The following MLPH variants were observed in gnomAD, a reference collection of about 807,000 sequenced individuals.
MLPH encodes the protein exophilin-3.
Under a neutral mutation model 72.1 loss-of-function variants are expected in MLPH, and 51 were observed. The ratio of observed to expected loss-of-function variants is 0.71; its 90% CI spans 0.56 to 0.89. MLPH has a LOEUF of 0.89. Ranked by LOEUF, MLPH falls within the 40% of genes least tolerant of loss-of-function variation. The pLI is 0.00. For synonymous variants in MLPH, 301 were observed against 310.1 expected (o/e 0.97, Z 0.31); for missense variants, 743 against 759.9 (o/e 0.98, Z 0.26).
chr2:237,553,118 A>G (rs373536941), intron 15 of MLPH: 10 of 472,784 alleles, frequency 2.1e-5, no homozygotes, highest in African/African-American at 4.0e-5. Flanking sequence ...GCCCCAACCA[A>G]TGTGATCAGT....
At chr2:237,516,709 C>T (rs67482783) in intron 4 of MLPH, among the ~76,000 whole-genome samples, 22,363 of 151,862 alleles carry the variant, frequency 0.15, 2,094 homozygotes, top group African/African-American at 0.24. Context: ...GATAGGTATA[C>T]GAAAGGCCAG....
Position 237,510,734 on chromosome 2 carries a change from A to G in MLPH, c.271A>G (p.Ser91Gly). 1 of 1,613,666 alleles carries G rather than the reference A, an allele frequency of 6.2e-7. No individual in the cohort carries two copies. Among genetic ancestry groups the G allele is most frequent in the South Asian group, 1.1e-5 (1 of 91,082 alleles). The change falls in exon 3 of 16, where the codon AGC (serine) becomes GGC (glycine). Residue 91 changes from serine (S) to glycine (G), a missense_variant. Physicochemically the swap from Ser to Gly is moderately conservative, Grantham distance 56. Transcript: ENST00000264605. This position sits in a 1 kb window ranked among gnomAD's most constrained non-coding sequence, Gnocchi z 4.4. Reference protein sequence around the residue: ...CLECGLFTCKSCGRVHPEEQG... With the variant: ...CLECGLFTCKGCGRVHPEEQG... ...GGAATGTGGCCTCTTCACCTGCAAA[A>G]GCTGTGGCCGCGTCCACCCGGAGGA...
intron 1 of MLPH, among the ~76,000 whole-genome samples, chr2:237,490,710 G>C (rs1015069075): frequency 1.3e-5 from 2 of 152,058 alleles, no homozygotes; most frequent in Non-Finnish European, 2.9e-5. Flanking sequence ...AAATAAAAGT[G>C]AATGAACTCC....
intron 4 of MLPH, among the ~76,000 whole-genome samples, chr2:237,513,828 T>G (rs989969076): frequency 6.6e-6 from 1 of 152,114 alleles, no homozygotes; most frequent in Non-Finnish European, 1.5e-5. Flanking sequence ...CTCAAGGCAC[T>G]CACTGTCCAG....
At chr2:237,545,559 T>G in intron 12 of MLPH, 1 of 1,288,354 alleles carries the variant, frequency 7.8e-7, no homozygotes, top group Non-Finnish European at 1.0e-6. Context: ...TGTTGCCTCA[T>G]GTGGAAATCC....
intron 2 of MLPH, among the ~76,000 whole-genome samples, chr2:237,509,783 C>T (rs2079851409): frequency 6.6e-6 from 1 of 152,112 alleles, no homozygotes; most frequent in Non-Finnish European, 1.5e-5. Context: ...GGGACTCCTC[C>T]ACTCTCTTCA....
chr2:237,516,414 G>A (rs189637369), intron 4 of MLPH, among the ~76,000 whole-genome samples: 13 of 152,324 alleles, frequency 8.5e-5, no homozygotes, highest in Non-Finnish European at 1.3e-4. Context: ...GGGCATGAGG[G>A]CTGGGCCTCA....
chr2:237,497,815 G>A (rs577762526), intron 2 of MLPH, among the ~76,000 whole-genome samples: 21 of 152,188 alleles, frequency 1.4e-4, no homozygotes, highest in Non-Finnish European at 2.5e-4. Context: ...TCTCTGTAGC[G>A]TCTCTCTGGG....
At chr2:237,531,785 G>T (rs1395611035) in intron 8 of MLPH, among the ~76,000 whole-genome samples, 1 of 152,066 alleles carries the variant, frequency 6.6e-6, no homozygotes, top group Non-Finnish European at 1.5e-5. Flanking sequence ...AACAAATGGG[G>T]CCCAAAGTGG....
intron 1 of MLPH, among the ~76,000 whole-genome samples, chr2:237,489,362 C>A (rs2079383514): frequency 6.6e-6 from 1 of 152,242 alleles, no homozygotes; most frequent in Non-Finnish European, 1.5e-5. Context: ...AGTGCTGTTG[C>A]TGCTGGGGCC....
At position 237,512,237 on chromosome 2, in the gene MLPH, A is replaced by T. The variant is rs2079920516; in HGVS notation, c.445+1136A>T. 6.6e-6 allele frequency among the ~76,000 whole-genome samples: 1 copy of T among 152,222 alleles called. No homozygotes were observed. The highest frequency in any genetic ancestry group is 1.5e-5 in the Non-Finnish European group (1 of 68,046). ...ACACCTTATTCGTGCCTGTCTCTTA[A>T]AGCCTCAAGTTTGATTGAAGAAGCA... On this transcript the variant is annotated intron_variant, in intron 4 of 15. Coordinates refer to ENST00000264605, the MANE Select transcript of MLPH (RefSeq NM_024101.7). This position sits in a 1 kb window ranked among gnomAD's most constrained non-coding sequence, Gnocchi z 5.5.
rs368834843 is a variant in MLPH, at chr2:237,511,001, C to T, written c.345C>T (p.Ile115=). ...CTTGTCCCTGCAGAGTCGTGAAGATCGGCTCACTGGAGTGGTACTATGAGC... is the reference window on the plus strand; with the variant it reads ...CTTGTCCCTGCAGAGTCGTGAAGATTGGCTCACTGGAGTGGTACTATGAGC... The part of the protein sequence containing the change: ...DPCHLARVVK[I]GSLEWYYEHV... The change falls in exon 4 of 16, where the codon ATC becomes ATT. Residue 115 remains isoleucine, a synonymous_variant. Transcript: ENST00000264605. The T allele has an allele frequency of 2.0e-4, 320 of 1,613,536 alleles. 1 individual carries two copies. Among genetic ancestry groups the T allele is most frequent in the South Asian group, 1.2e-3 (109 of 91,042 alleles).
intron 8 of MLPH, among the ~76,000 whole-genome samples, chr2:237,529,183 C>T (rs1392118322): frequency 1.3e-5 from 2 of 152,070 alleles, no homozygotes; most frequent in Non-Finnish European, 2.9e-5. Context: ...GCTGGGATCA[C>T]AGGCGCCCAC....
intron 1 of MLPH, among the ~76,000 whole-genome samples, chr2:237,490,261 C>A (rs776336713): frequency 6.6e-6 from 1 of 151,660 alleles, no homozygotes; most frequent in Non-Finnish European, 1.5e-5. Flanking sequence ...CCATGGAGGT[C>A]GAGGCAGCAG....
At chr2:237,516,869 A>G (rs894945482) in intron 4 of MLPH, among the ~76,000 whole-genome samples, 2 of 142,174 alleles carry the variant, frequency 1.4e-5, no homozygotes, top group African/African-American at 5.7e-5. Context: ...GGATGGATGG[A>G]TGGGTGGATG....
At chr2:237,531,665 T>A (rs1368124828) in intron 8 of MLPH, among the ~76,000 whole-genome samples, 1 of 152,220 alleles carries the variant, frequency 6.6e-6, no homozygotes, top group Non-Finnish European at 1.5e-5. Flanking sequence ...TAACTTGTAT[T>A]TACTTTGCCA....
At chr2:237,494,769 G>A (rs1216934701) in intron 2 of MLPH, among the ~76,000 whole-genome samples, 4 of 152,194 alleles carry the variant, frequency 2.6e-5, no homozygotes, top group African/African-American at 7.2e-5. Context: ...GCGGGTGTTG[G>A]ATACATACAC....
chr2:237,495,281 A>G (rs2079512461), intron 2 of MLPH, among the ~76,000 whole-genome samples: 1 of 152,180 alleles, frequency 6.6e-6, no homozygotes, highest in Non-Finnish European at 1.5e-5. Context: ...CAGGATCCTT[A>G]ATGTCATTCC....
chr2:237,488,625 C>G (rs1162813607), intron 1 of MLPH, among the ~76,000 whole-genome samples: 1 of 152,188 alleles, frequency 6.6e-6, no homozygotes, highest in Non-Finnish European at 1.5e-5. Context: ...GCAGGTGCCT[C>G]AGAGGATTGA....
Sources: gnomAD v4.1 joint callset for allele counts (sites outside exome capture counted in the v4.1 genomes callset) on GRCh38, gnomAD v4.1.1 for gene constraint, Gnocchi (gnomAD v3.1) non-coding constraint, MANE v1.5 for transcripts, NCBI Gene and HGNC (gene_info 2026-07-23, HGNC 2026-07-21) for gene names.